The following PPRC1 variants were observed in gnomAD, a reference collection of about 807,000 sequenced individuals.
The protein encoded by PPRC1 is PPARG related coactivator 1, also known as peroxisome proliferator-activated receptor gamma coactivator-related protein 1.
Under a neutral mutation model 132.5 loss-of-function variants are expected in PPRC1, and 23 were observed. The observed-to-expected ratio is 0.17, with a 90% CI of 0.12 to 0.25. The LOEUF (loss-of-function observed/expected upper bound fraction) is 0.25, where lower values mean the gene tolerates loss of function less well. Among genes scored for constraint, PPRC1 ranks in the 10% least tolerant of loss-of-function variants. The pLI, the probability that PPRC1 is intolerant of heterozygous loss-of-function variation, is 1.00. For synonymous variants in PPRC1, 872 were observed against 833.5 expected (o/e 1.05, Z -0.80); for missense variants, 2,006 against 2,089.1 (o/e 0.96, Z 0.78).
chr10:102,148,580 C>T lies in PPRC1; in HGVS notation c.4551-48C>T, dbSNP rs1399418071. On this transcript the variant is annotated intron_variant, in intron 10 of 13. Coordinates refer to ENST00000278070, the MANE Select transcript of PPRC1 (RefSeq NM_015062.5). This position sits in a 1 kb window ranked among gnomAD's most constrained non-coding sequence, Gnocchi z 4.2. ...GGATGCAGGTGCCTAAGAGTTGAGT[C>T]TTGAATTGTCTTATGTTTGGGGGGC... The T allele has an allele frequency of 1.9e-6, 3 of 1,613,112 alleles. No homozygotes were observed. In the African/African-American group the frequency reaches 4.0e-5, roughly 22 times the overall value.
rs1301036146 is a variant in PPRC1 at position 102,148,492 on chromosome 10, C to T, written c.4521C>T (p.Ser1507=). The T allele has an allele frequency of 6.2e-7, 1 of 1,613,408 alleles. No individual in the cohort carries two copies. Among genetic ancestry groups the T allele is most frequent in the Non-Finnish European group, 8.5e-7 (1 of 1,179,300 alleles). ...CTCGAAGCCGCTCACGATCCCCATC[C>T]CCCCGCCGGAGAAGTGACAGGAGGC... ...SSSRSRSRSP[S]PRRRSDRRRR... Residue 1507 remains serine (S), a synonymous_variant, in exon 10 of 14, where the codon TCC becomes TCT. Coordinates refer to ENST00000278070, the MANE Select transcript of PPRC1 (RefSeq NM_015062.5). The surrounding 1 kb of genome is among the most constrained non-coding windows in gnomAD (Gnocchi z 4.2).
At chr10:102,138,837 T>C (rs200253190) in intron 3 of PPRC1, 42 bp from the exon 4 acceptor site, 8 of 1,611,938 alleles carry the variant, frequency 5.0e-6, no homozygotes, top group Non-Finnish European at 6.8e-6. Flanking sequence ...CTCATATAGC[T>C]CTGAAGCATA....
At chr10:102,130,416 CAAAA>C (rs1203599289), upstream of PPRC1, among the ~76,000 whole-genome samples, 3 of 15,980 alleles carry the variant, frequency 1.9e-4, no homozygotes, top group East Asian at 1.7e-3. Flanking sequence ...GAATCCTTCT[CAAAA>C]AAAAAAAAAA....
the PPRC1 span, chr10:102,120,326 GC>G: frequency 1.0e-6 from 1 of 984,644 alleles, no homozygotes; most frequent in Admixed American, 6.2e-5. Flanking sequence ...AAGGCGAGCG[GC>G]CTCTGCGTGT....
At chr10:102,137,018 G>A (rs1297640980) in intron 1 of PPRC1, among the ~76,000 whole-genome samples, 2 of 152,214 alleles carry the variant, frequency 1.3e-5, no homozygotes, top group Admixed American at 6.6e-5. Flanking sequence ...ACCATTGAGA[G>A]GTTGAGTGTC....
rs1450869232 is a variant in PPRC1 at position 102,139,961 on chromosome 10, G to A, written c.1453G>A (p.Gly485Arg). Residue 485 changes from glycine (G) to arginine (R), a missense_variant, in exon 5 of 14, where the codon GGG (glycine) becomes AGG (arginine). Around this residue, in one of 2 missense-constraint regions of PPRC1, gnomAD observed 1,914 missense variants for 1,917.2 expected, o/e 1.00. Transcript: ENST00000278070. ...YARRLRSSSRGQSTVGTEVTS... is the reference protein window; with the variant it reads ...YARRLRSSSRRQSTVGTEVTS... ...CAGGAGGCTGAGGTCATCTTCTCGC[G>A]GGCAGTCTACTGTAGGTACAGAAGT... 1.3e-5 allele frequency: 21 copies of A among 1,614,088 alleles called. No homozygotes were observed. The highest frequency in any genetic ancestry group is 1.7e-5 in the Non-Finnish European group (20 of 1,180,052).
In PPRC1 at chr10:102,139,188, C is replaced by T. The variant is rs747469993; in HGVS notation, c.680C>T (p.Pro227Leu). 4 of 1,614,148 alleles carry T rather than the reference C, an allele frequency of 2.5e-6. No homozygotes were observed. The highest frequency in any genetic ancestry group is 1.6e-4 in the Middle Eastern group (1 of 6,062). Reference protein sequence around the residue: ...TSSPKLPSWRPPRSRPRWGQS... With the variant: ...TSSPKLPSWRLPRSRPRWGQS... ...TCCCCCAAGCTTCCTAGCTGGAGACCCCCAAGATCAAGACCACGCTGGGGC... is the reference window on the plus strand; with the variant it reads ...TCCCCCAAGCTTCCTAGCTGGAGACTCCCAAGATCAAGACCACGCTGGGGC... The change falls in exon 5 of 14, where the codon CCC (proline) becomes CTC (leucine). Residue 227 changes from proline (P) to leucine (L), a missense_variant. Transcript: ENST00000278070.
intron 3 of PPRC1, 28 bp from the exon 4 acceptor site, chr10:102,138,851 T>C: frequency 2.5e-6 from 4 of 1,611,972 alleles, no homozygotes; most frequent in East Asian, 2.2e-5. Context: ...AAGCATAGAC[T>C]GATCTCAGGT....
At position 102,148,622 on chromosome 10, in the gene PPRC1, TG is replaced by T; in HGVS notation, c.4551-5del. ...TTGGGGGGCTGATGACACCCTCTTT[TG>T]TCAGGTACAGCTCTTATCGTTCACA... On this transcript the variant is annotated splice_polypyrimidine_tract_variant and splice_region_variant and intron_variant, in intron 10 of 13. Transcript: ENST00000278070. This position sits in a 1 kb window ranked among gnomAD's most constrained non-coding sequence, Gnocchi z 4.2. The T allele has an allele frequency of 6.2e-7, 1 of 1,614,146 alleles. No homozygotes were observed. The highest frequency in any genetic ancestry group is 8.5e-7 in the Non-Finnish European group (1 of 1,180,020).
upstream of PPRC1, among the ~76,000 whole-genome samples, chr10:102,130,433 A>C (rs923954048): frequency 2.8e-5 from 4 of 143,684 alleles, no homozygotes; most frequent in South Asian, 2.2e-4. Flanking sequence ...AAAAAAAAAA[A>C]AAAAAAAAAC....
In PPRC1 at chr10:102,145,107, G is replaced by A; in HGVS notation, c.3679+17G>A. 1.9e-6 allele frequency: 3 copies of A among 1,603,006 alleles called. No homozygotes were observed. The highest frequency in any genetic ancestry group is 2.2e-5 in the South Asian group (2 of 90,804). On this transcript the variant is annotated intron_variant, in intron 8 of 13. Transcript: ENST00000278070. ...ACGTGGCAGGTGGGTTCAGGGTGGG[G>A]AATTCTGCCTGTGATTAGTCTATGC...
the PPRC1 span, among the ~76,000 whole-genome samples, chr10:102,123,829 C>T: frequency 3.5e-5 from 5 of 143,316 alleles, no homozygotes; most frequent in East Asian, 2.1e-4. Context: ...CCACCACGCC[C>T]GGCCTTTTTT....
At chr10:102,128,594 G>C (rs1487630802), upstream of PPRC1, among the ~76,000 whole-genome samples, 1 of 151,644 alleles carries the variant, frequency 6.6e-6, no homozygotes, top group South Asian at 2.1e-4. Flanking sequence ...GAGCCCCTAA[G>C]CCCACAGCTG....
At chr10:102,130,306 G>T (rs1001035642), upstream of PPRC1, among the ~76,000 whole-genome samples, 6 of 150,442 alleles carry the variant, frequency 4.0e-5, no homozygotes, top group Non-Finnish European at 7.4e-5. Context: ...AGTCCCAGCT[G>T]CTGGGGAGGC....
Position 102,140,682 on chromosome 10 carries a change from A to C in PPRC1, c.2174A>C (p.Glu725Ala). The change falls in exon 5 of 14, where the codon GAA becomes GCA. Residue 725 changes from glutamate to alanine, a missense_variant. Glu to Ala is a moderately radical substitution (Grantham distance 107). Around this residue, in one of 2 missense-constraint regions of PPRC1, gnomAD observed 1,914 missense variants for 1,917.2 expected, o/e 1.00. Coordinates refer to ENST00000278070, the MANE Select transcript of PPRC1 (RefSeq NM_015062.5). ...GACCCACCAAAGACCATCATCCCTGAAGTCAAAGAGGTTGTGGATTCTCTG... is the reference window on the plus strand; with the variant it reads ...GACCCACCAAAGACCATCATCCCTGCAGTCAAAGAGGTTGTGGATTCTCTG... The part of the protein sequence containing the change: ...SLDPPKTIIP[E>A]VKEVVDSLKI... 1.9e-6 allele frequency: 3 copies of C among 1,614,052 alleles called. No individual in the cohort carries two copies. Among genetic ancestry groups the C allele is most frequent in the African/African-American group, 2.7e-5 (2 of 75,010 alleles).
rs376068065 is a variant in PPRC1 at position 102,150,061 on chromosome 10, C to T, written c.*32C>T. 3 of 1,549,762 alleles carry T rather than the reference C, an allele frequency of 1.9e-6. No homozygotes were observed. Among genetic ancestry groups the T allele is most frequent in the Non-Finnish European group, 8.9e-7 (1 of 1,121,558 alleles). On this transcript the variant is annotated 3_prime_UTR_variant, in exon 14 of 14. Coordinates refer to ENST00000278070, the MANE Select transcript of PPRC1 (RefSeq NM_015062.5). ...GCCCTTCCCTGCTATCCTTTTTCTC[C>T]TTTGGAGGTGCCCAACCTCCTCCAC...
intron 6 of PPRC1, 76 bp downstream of exon 6, chr10:102,143,174 A>C: frequency 1.4e-6 from 2 of 1,405,116 alleles, no homozygotes; most frequent in East Asian, 4.6e-5. Flanking sequence ...GTAGTTGCTT[A>C]AACTAGGGTG....
the PPRC1 span, among the ~76,000 whole-genome samples, chr10:102,121,540 G>A: frequency 1.3e-5 from 2 of 152,166 alleles, no homozygotes; most frequent in African/African-American, 2.4e-5. Context: ...GGAGGGGAGG[G>A]GCTCCATCTC....
At position 102,146,985 on chromosome 10, in the gene PPRC1, C is replaced by T. The variant is rs2069276406; in HGVS notation, c.3993C>T (p.Ile1331=). 6.2e-7 allele frequency: 1 copy of T among 1,614,058 alleles called. No homozygotes were observed. Among genetic ancestry groups the T allele is most frequent in the South Asian group, 1.1e-5 (1 of 91,090 alleles). ...WNVKRHQDIT[I]KPVLSLGPAA... ...TCAAGCGCCATCAGGACATCACCAT[C>T]AAACCTGTCTTGTCCTTGGGCCCAG... Residue 1331 remains isoleucine, a synonymous_variant, in exon 9 of 14, where the codon ATC becomes ATT. Transcript: ENST00000278070.
Sources: allele counts gnomAD v4.1 joint callset (sites outside exome capture counted in the v4.1 genomes callset), GRCh38; gene constraint gnomAD v4.1.1; regional missense constraint gnomAD v4.1.1; non-coding constraint Gnocchi (gnomAD v3.1); transcripts MANE v1.5; gene names NCBI Gene and HGNC (gene_info 2026-07-23, HGNC 2026-07-21).